Variants in ATAD3B observed in about 807,000 individuals in gnomAD.
ATAD3B encodes the protein ATPase family AAA domain containing 3B.
A neutral mutation model predicts 70.2 loss-of-function variants in ATAD3B; 59 were observed. That is an observed-to-expected ratio of 0.84 (90% CI 0.68 to 1.04). ATAD3B has a LOEUF of 1.04. Among genes scored for constraint, ATAD3B ranks in the 50% least tolerant of loss-of-function variants. The pLI, the probability that ATAD3B is intolerant of heterozygous loss-of-function variation, is 0.00. For synonymous variants in ATAD3B, 423 were observed against 388.6 expected, an observed-to-expected ratio of 1.09 and a Z score of -1.04; for missense variants, 961 against 913.4, an observed-to-expected ratio of 1.05 and a Z score of -0.67.
At chr1:1,502,588 TGCAACC>T (rs1640969201), downstream of ATAD3B, among the ~76,000 whole-genome samples, 1 of 144,536 alleles carries the variant, frequency 6.9e-6, no homozygotes, top group Non-Finnish European at 1.5e-5. Context: ...CTTGTCTCAC[TGCAACC>T]TCCGCCTCCC....
At chr1:1,485,967 C>T (rs1640189203) in intron 9 of ATAD3B, 129 bp downstream of exon 9, 1 of 1,593,176 alleles carries the variant, frequency 6.3e-7, no homozygotes, top group South Asian at 1.1e-5. Flanking sequence ...ACTGCTTGGA[C>T]TGTGCCGGGG....
intron 13 of ATAD3B, chr1:1,489,605 G>A (rs1640420439): frequency 2.4e-6 from 3 of 1,257,474 alleles, no homozygotes; most frequent in African/African-American, 1.5e-5. Context: ...GAGGTCCCCA[G>A]TAGGGTGACC....
At chr1:1,486,425 C>T in intron 10 of ATAD3B, 119 bp from the exon 11 acceptor site, 1 of 1,603,122 alleles carries the variant, frequency 6.2e-7, no homozygotes, top group Non-Finnish European at 8.5e-7. Context: ...TCCTGTCTGG[C>T]AGGCTGTGGC....
chr1:1,489,758 T>C (rs1640429664), intron 13 of ATAD3B: 1 of 1,306,908 alleles, frequency 7.7e-7, no homozygotes, highest in African/African-American at 1.5e-5. Context: ...TTCAGGCACG[T>C]TGGGCTCCTG....
chr1:1,496,092 G>A lies in ATAD3B; in HGVS notation c.*275G>A. On this transcript the variant is annotated 3_prime_UTR_variant, in exon 16 of 16. Coordinates refer to ENST00000673477, the MANE Select transcript of ATAD3B (RefSeq NM_031921.6). The stretch of plus-strand genomic sequence containing the variant: ...TGAACCCTGCTTCCAGCCATGGCCA[G>A]GGGCCACGGAACCCGGCAGGGGTGT... 1 of 1,205,028 alleles carries A rather than the reference G, an allele frequency of 8.3e-7. No homozygotes were observed. The highest frequency in any genetic ancestry group is 1.0e-6 in the Non-Finnish European group (1 of 966,686). 74.6% of individuals were successfully genotyped at this position (1,205,028 alleles called of 1,614,324 possible).
chr1:1,472,363 C>T (rs1639375935), intron 1 of ATAD3B, among the ~76,000 whole-genome samples: 1 of 152,062 alleles, frequency 6.6e-6, no homozygotes, highest in East Asian at 1.9e-4. Flanking sequence ...GGGTCTGGGG[C>T]TGGCCGTGGT....
At chr1:1,480,042 C>T (rs1570215691) in intron 4 of ATAD3B, among the ~76,000 whole-genome samples, 1 of 146,688 alleles carries the variant, frequency 6.8e-6, no homozygotes, top group Non-Finnish European at 1.5e-5. Context: ...GGCACACACC[C>T]CCTTGCACAG....
intron 5 of ATAD3B, among the ~76,000 whole-genome samples, 198 bp downstream of exon 5, chr1:1,481,134 G>A (rs1639890535): frequency 7.2e-6 from 1 of 139,006 alleles, no homozygotes; most frequent in South Asian, 2.3e-4. Flanking sequence ...GATCTGTTCA[G>A]GGAGGGCAGG....
At chr1:1,503,648 A>C in the ATAD3B span, 90 of 1,611,786 alleles carry the variant, frequency 5.6e-5, no homozygotes, top group Non-Finnish European at 6.4e-5. Flanking sequence ...TTGGAGCAAC[A>C]GTCCAAGCTC....
downstream of ATAD3B, among the ~76,000 whole-genome samples, chr1:1,501,713 C>T (rs574754056): frequency 5.9e-5 from 9 of 152,164 alleles, no homozygotes; most frequent in South Asian, 1.9e-3. Context: ...AGAGTTTTTC[C>T]TGTTAGTTAC....
chr1:1,490,810 G>C, intron 15 of ATAD3B, 139 bp downstream of exon 15: 4 of 1,469,890 alleles, frequency 2.7e-6, no homozygotes, highest in Non-Finnish European at 2.7e-6. Context: ...CGTGACACAG[G>C]GCCCCCTGCC....
At chr1:1,492,219 G>T (rs1219334556) in intron 15 of ATAD3B, among the ~76,000 whole-genome samples, 1 of 152,000 alleles carries the variant, frequency 6.6e-6, no homozygotes, top group Non-Finnish European at 1.5e-5. Flanking sequence ...AAGCCCGGTG[G>T]CTCACTCCTG....
At chr1:1,494,839 A>G (rs780889372) in intron 15 of ATAD3B, among the ~76,000 whole-genome samples, 1 of 151,786 alleles carries the variant, frequency 6.6e-6, no homozygotes, top group African/African-American at 2.4e-5. Flanking sequence ...CCACACCCTC[A>G]CCCTGACCCA....
intron 2 of ATAD3B, 45 bp downstream of exon 2, chr1:1,477,395 G>T: frequency 1.2e-6 from 2 of 1,610,744 alleles, no homozygotes; most frequent in Non-Finnish European, 1.7e-6. Flanking sequence ...CGCACATGGG[G>T]TTCAGGCGTG....
chr1:1,484,634 A>C (rs928100467), intron 7 of ATAD3B: 1 of 210,476 alleles, frequency 4.8e-6, no homozygotes, highest in East Asian at 1.2e-4. Flanking sequence ...TTTTTAAAAC[A>C]AGTTAGAGAT....
chr1:1,494,807 G>A (rs1199951389), intron 15 of ATAD3B, among the ~76,000 whole-genome samples: 1 of 152,038 alleles, frequency 6.6e-6, no homozygotes, highest in African/African-American at 2.4e-5. Flanking sequence ...GCACTCCTGA[G>A]CACGGCACCT....
rs571848127 is a variant in ATAD3B at position 1,489,995 on chromosome 1, G to T, written c.1338-262G>T. On this transcript the variant is annotated intron_variant, in intron 13 of 15. Coordinates refer to ENST00000673477, the MANE Select transcript of ATAD3B (RefSeq NM_031921.6). ...TGGTGTTCCCGGCACTGCCTATCAGGCTGGGCGAGGGTCAGCGGGGAAGTA... is the reference window on the plus strand; with the variant it reads ...TGGTGTTCCCGGCACTGCCTATCAGTCTGGGCGAGGGTCAGCGGGGAAGTA... 4 of 1,325,250 alleles carry T rather than the reference G, an allele frequency of 3.0e-6. No homozygotes were observed. In the East Asian group the frequency reaches 1.0e-4, roughly 33 times the overall value. The allele number at this position is 1,325,250 out of a possible 1,614,324, so 82.1% of individuals were successfully genotyped here.
chr1:1,483,605 C>T, intron 7 of ATAD3B: 1 of 159,084 alleles, frequency 6.3e-6, no homozygotes, highest in Non-Finnish European at 1.4e-5. Context: ...AAACCCATCT[C>T]TACTAAAAAT....
At chr1:1,490,991 A>C in intron 15 of ATAD3B, among the ~76,000 whole-genome samples, 1 of 151,892 alleles carries the variant, frequency 6.6e-6, no homozygotes, top group Admixed American at 6.6e-5. Context: ...CTTGGCCAAC[A>C]GGCACCTCCT....
Sources: gnomAD v4.1 joint callset for allele counts (sites outside exome capture counted in the v4.1 genomes callset) on GRCh38, gnomAD v4.1.1 for gene constraint, MANE v1.5 for transcripts, NCBI Gene and HGNC (gene_info 2026-07-23, HGNC 2026-07-21) for gene names.